Variants in MRPL36 observed in about 807,000 individuals in gnomAD.
The protein encoded by MRPL36 is large ribosomal subunit protein bL36m.
In MRPL36, 1 loss-of-function variant was observed where a neutral mutation model predicts 2.8. That is an observed-to-expected ratio of 0.36 (90% CI 0.13 to 1.69). The LOEUF is 1.69. Ranked by LOEUF, MRPL36 falls within the 40% of genes most tolerant of loss-of-function variation. The probability of loss-of-function intolerance (pLI) is 0.35; values close to 1 mark genes in which losing one functional copy is unlikely to be tolerated. For synonymous variants in MRPL36, 68 were observed against 54.8 expected, an observed-to-expected ratio of 1.24 and a Z score of -1.06; for missense variants, 148 against 132.7, an observed-to-expected ratio of 1.12 and a Z score of -0.57.
At chr5:1,801,373 G>T, upstream of MRPL36, 5 of 1,598,960 alleles carry the variant, frequency 3.1e-6, no homozygotes, top group South Asian at 1.1e-5. Flanking sequence ...GCATGCGTTA[G>T]CGCTAAGCGG....
upstream of MRPL36, chr5:1,801,345 C>A: frequency 6.4e-7 from 1 of 1,553,082 alleles, no homozygotes; most frequent in Non-Finnish European, 8.7e-7. Flanking sequence ...GGGTGTTTGG[C>A]GCCGCCAGAA....
chr5:1,798,976 A>C, intron 1 of MRPL36, 29 bp from the exon 2 acceptor site: 1 of 1,505,350 alleles, frequency 6.6e-7, no homozygotes, highest in South Asian at 1.3e-5. Context: ...AAGGAGTTAT[A>C]GCTTCTCCTG....
rs1183240657 is a variant in MRPL36 at position 1,798,861 on chromosome 5, G to A, written c.75C>T (p.Ala25=). The A allele has an allele frequency of 1.2e-6, 2 of 1,613,384 alleles. No homozygotes were observed. The highest frequency in any genetic ancestry group is 1.7e-5 in the Admixed American group (1 of 60,020). ...TGGATCCAAATAGAAATGTGGAGAGGGCTCGAGGCTTCACCGTGTGACGAC... is the reference window on the plus strand; with the variant it reads ...TGGATCCAAATAGAAATGTGGAGAGAGCTCGAGGCTTCACCGTGTGACGAC... The part of the protein sequence containing the change: ...YLSRHTVKPR[A]LSTFLFGSIR... Residue 25 remains alanine (A), a synonymous_variant, in exon 2 of 2, where the codon GCC becomes GCT. Coordinates refer to ENST00000505059, the MANE Select transcript of MRPL36 (RefSeq NM_032479.4).
Position 1,798,736 on chromosome 5 carries a change from T to C in MRPL36, c.200A>G (p.Lys67Arg), listed in dbSNP as rs1420977313. 3 of 1,613,862 alleles carry C rather than the reference T, an allele frequency of 1.9e-6. No individual in the cohort carries two copies. Among genetic ancestry groups the C allele is most frequent in the Non-Finnish European group, 1.7e-6 (2 of 1,179,906 alleles). The change falls in exon 2 of 2, where the codon AAA becomes AGA. Residue 67 changes from lysine to arginine, a missense_variant. Physicochemically the swap from Lys to Arg is conservative, Grantham distance 26 (BLOSUM62 2). Coordinates refer to ENST00000505059, the MANE Select transcript of MRPL36 (RefSeq NM_032479.4). ...GCGCTTCTTAAGGACAGTCTTGTTT[T>C]TGAACCCCAGCGCAGGCAGCAGATG... ...LPHLLPALGF[K>R]NKTVLKKRCK...
At chr5:1,798,971 G>T (rs746797703) in intron 1 of MRPL36, 24 bp from the exon 2 acceptor site, 5 of 1,516,676 alleles carry the variant, frequency 3.3e-6, no homozygotes, top group Non-Finnish European at 4.5e-6. Context: ...AAAAAAAGGA[G>T]TTATAGCTTC....
Position 1,798,479 on chromosome 5 carries a change from C to T in MRPL36, c.*145G>A. On this transcript the variant is annotated 3_prime_UTR_variant, in exon 2 of 2. Transcript: ENST00000505059. ...TGTCTTCTATAGTTACTCATTTACA[C>T]TGAAACGTGATGGGTAACTTTTAGG... 2.8e-6 allele frequency: 2 copies of T among 722,078 alleles called. No homozygotes were observed. Among genetic ancestry groups the T allele is most frequent in the Non-Finnish European group, 2.3e-6 (1 of 436,948 alleles). 44.7% of individuals were successfully genotyped at this position (722,078 alleles called of 1,614,324 possible).
At chr5:1,798,997 T>C in intron 1 of MRPL36, 50 bp from the exon 2 acceptor site, 1 of 1,414,598 alleles carries the variant, frequency 7.1e-7, no homozygotes, top group Non-Finnish European at 9.6e-7. Flanking sequence ...CACTTCCACC[T>C]GCTCTTTAAG....
intron 1 of MRPL36, chr5:1,799,183 A>T: frequency 2.2e-6 from 1 of 447,902 alleles, no homozygotes. Context: ...GCCTGCTGCA[A>T]GTGTAGGTGA....
upstream of MRPL36, among the ~76,000 whole-genome samples, chr5:1,800,929 C>G (rs560133591): frequency 6.5e-4 from 99 of 152,332 alleles, no homozygotes; most frequent in Non-Finnish European, 1.1e-3. Flanking sequence ...GCAGTTGACT[C>G]CTTCACCCAA....
chr5:1,800,009 T>A (rs957709119), upstream of MRPL36: 2 of 151,926 alleles, frequency 1.3e-5, no homozygotes, highest in African/African-American at 2.4e-5. Flanking sequence ...ATCGTCGTGC[T>A]GTTTGGAGCG....
At position 1,799,389 on chromosome 5, in the gene MRPL36, G is replaced by T. The variant is rs554394353; in HGVS notation, c.-13+403C>A. The stretch of plus-strand genomic sequence containing the variant: ...CAGGCCCCCGCTCCGGAAGAGCACG[G>T]AACTCTGGCACCCCGGTCGCCCGCC... On this transcript the variant is annotated intron_variant, in intron 1 of 1. Transcript: ENST00000505059. The T allele has an allele frequency of 6.0e-4, 92 of 153,702 alleles. 2 individuals carry two copies. The East Asian group carries it at 0.018, about 30-fold the overall frequency. 9.5% of individuals were successfully genotyped at this position (153,702 alleles called of 1,614,324 possible). A position where few individuals can be genotyped will look rare whatever the true frequency, so the allele number is the denominator to read the frequency against.
At chr5:1,800,337 C>T (rs895559842), upstream of MRPL36, among the ~76,000 whole-genome samples, 5 of 152,198 alleles carry the variant, frequency 3.3e-5, no homozygotes, top group Non-Finnish European at 7.3e-5. Flanking sequence ...GCTCGCTTAT[C>T]CCTGCCTTTT....
upstream of MRPL36, chr5:1,801,276 GCTC>G: frequency 7.9e-7 from 1 of 1,273,476 alleles, no homozygotes. Context: ...TCAGAGAGCA[GCTC>G]CGGCGCACCC....
intron 1 of MRPL36, chr5:1,799,148 G>A (rs1005945406): frequency 9.8e-6 from 5 of 512,330 alleles, no homozygotes; most frequent in Non-Finnish European, 1.7e-5. Context: ...AAGGGGCAGT[G>A]GACGGTGGCT....
chr5:1,801,064 A>G (rs1734022803), upstream of MRPL36, among the ~76,000 whole-genome samples: 1 of 152,232 alleles, frequency 6.6e-6, no homozygotes, highest in African/African-American at 2.4e-5. Context: ...CTAATCGCTG[A>G]AGGTTTCGCA....
Position 1,798,495 on chromosome 5 carries a change from A to G in MRPL36, c.*129T>C. On this transcript the variant is annotated 3_prime_UTR_variant, in exon 2 of 2. Transcript: ENST00000505059. Reference sequence around the variant, plus strand: ...TCATTTACACTGAAACGTGATGGGTAACTTTTAGGGCGTTTGCTTCCAGTC... The same window carrying G: ...TCATTTACACTGAAACGTGATGGGTGACTTTTAGGGCGTTTGCTTCCAGTC... 2 of 806,242 alleles carry G rather than the reference A, an allele frequency of 2.5e-6. No individual in the cohort carries two copies. The highest frequency in any genetic ancestry group is 2.0e-6 in the Non-Finnish European group (1 of 509,246). The allele number at this position is 806,242 out of a possible 1,614,324, so 49.9% of individuals were successfully genotyped here. A position where few individuals can be genotyped will look rare whatever the true frequency, so the allele number is the denominator to read the frequency against.
chr5:1,799,909 G>A (rs1052385867), upstream of MRPL36: 2 of 149,812 alleles, frequency 1.3e-5, no homozygotes, highest in Admixed American at 1.3e-4. Flanking sequence ...CCCACGTCCA[G>A]TGCGGGGCGC....
chr5:1,798,942 G>T lies in MRPL36; in HGVS notation c.-7C>A. On this transcript the variant is annotated 5_prime_UTR_variant, in exon 2 of 2. Coordinates refer to ENST00000505059, the MANE Select transcript of MRPL36 (RefSeq NM_032479.4). The stretch of plus-strand genomic sequence containing the variant: ...TTATAAAAAGATTTGCCATGTTGTG[G>T]TGAATCTATGGGAGAGAGAAAAAAA... The T allele has an allele frequency of 2.5e-6, 4 of 1,581,622 alleles. No individual in the cohort carries two copies. Among genetic ancestry groups the T allele is most frequent in the Non-Finnish European group, 3.5e-6 (4 of 1,158,860 alleles).
chr5:1,798,779 A>G lies in MRPL36; in HGVS notation c.157T>C (p.Ser53Pro). The change falls in exon 2 of 2, where the codon TCA becomes CCA. Residue 53 changes from serine (S) to proline (P), a missense_variant. Physicochemically the swap from Ser to Pro is moderately conservative, Grantham distance 74 (BLOSUM62 -1). Transcript: ENST00000505059. The stretch of plus-strand genomic sequence containing the variant: ...AGCAGATGGGGCAGGAGGCCGGGTG[A>G]GAGAAGTGAGCGCACTGCTGCCCCG... ...EPGAAVRSLL[S>P]PGLLPHLLPA... The G allele has an allele frequency of 6.2e-7, 1 of 1,614,038 alleles. No individual in the cohort carries two copies.
Sources: gnomAD v4.1 joint callset for allele counts (sites outside exome capture counted in the v4.1 genomes callset) on GRCh38, gnomAD v4.1.1 for gene constraint, MANE v1.5 for transcripts, NCBI Gene and HGNC (gene_info 2026-07-23, HGNC 2026-07-21) for gene names.